The following XRCC5 variants were observed in gnomAD, a reference collection of about 807,000 sequenced individuals.
The protein encoded by XRCC5 is DNA repair protein Ku80.
In XRCC5, 12 loss-of-function variants were observed where a neutral mutation model predicts 95.7. The ratio of observed to expected loss-of-function variants is 0.13; its 90% confidence interval spans 0.08 to 0.20. XRCC5 has a LOEUF of 0.20. XRCC5 is among the 10% of genes least tolerant of loss of function. The pLI, the probability that XRCC5 is intolerant of heterozygous loss-of-function variation, is 1.00. For synonymous variants in XRCC5, 281 were observed against 290.3 expected, an observed-to-expected ratio of 0.97 and a Z score of 0.33; for missense variants, 595 against 873.9, an observed-to-expected ratio of 0.68 and a Z score of 4.02.
intron 19 of XRCC5, chr2:216,204,058 G>C: frequency 2.2e-6 from 1 of 461,800 alleles, no homozygotes; most frequent in Non-Finnish European, 4.0e-6. Context: ...ACACTGTCTC[G>C]ACAAGCCATG....
intron 16 of XRCC5, among the ~76,000 whole-genome samples, chr2:216,187,854 CT>C (rs1689533540): frequency 6.5e-5 from 9 of 137,556 alleles, no homozygotes; most frequent in African/African-American, 2.4e-4. Context: ...CTCTCTCTCT[CT>C]CTCTCTCCCC....
intron 10 of XRCC5, among the ~76,000 whole-genome samples, chr2:216,135,223 G>T (rs1057073312): frequency 1.3e-5 from 2 of 152,194 alleles, no homozygotes; most frequent in Admixed American, 6.5e-5. Context: ...TCTGCAGAGA[G>T]AGAGAGAGAG....
At chr2:216,174,665 T>G (rs1444352935) in intron 16 of XRCC5, among the ~76,000 whole-genome samples, 1 of 152,192 alleles carries the variant, frequency 6.6e-6, no homozygotes, top group African/African-American at 2.4e-5. Flanking sequence ...CTATATTGCA[T>G]TCATTAATAG....
chr2:216,137,271 A>G lies in XRCC5; in HGVS notation c.1251+46A>G, dbSNP rs776539652. ...GTTATTTTTTTTCTTCAGTTCCTTTATTCTAAGCAGTGTTTCTCAGCTGTT... is the reference window on the plus strand; with the variant it reads ...GTTATTTTTTTTCTTCAGTTCCTTTGTTCTAAGCAGTGTTTCTCAGCTGTT... On this transcript the variant is annotated intron_variant, in intron 11 of 20. Transcript: ENST00000392132. The G allele has an allele frequency of 4.4e-6, 7 of 1,579,128 alleles. No individual in the cohort carries two copies. The East Asian group carries it at 1.6e-4, about 36-fold the overall frequency.
intron 7 of XRCC5, among the ~76,000 whole-genome samples, chr2:216,127,112 C>T (rs1049963920): frequency 1.1e-4 from 16 of 152,046 alleles, no homozygotes; most frequent in East Asian, 3.9e-4. Flanking sequence ...TGGTGATGTG[C>T]GTCTGTAGTC....
rs9750314 is a variant in XRCC5, at chr2:216,139,530, C to G, written c.1342+1351C>G. The stretch of plus-strand genomic sequence containing the variant: ...GATTCATTTACCTCCCCCTGGGTCT[C>G]TCCCACAACATGTGGGAATTCTGGG... On this transcript the variant is annotated intron_variant, in intron 12 of 20. Coordinates refer to ENST00000392132, the MANE Select transcript of XRCC5 (RefSeq NM_021141.4). Among the ~76,000 whole-genome samples the G allele has an allele frequency of 2.0e-3, 300 of 152,304 alleles. 2 individuals are homozygous for G. Among genetic ancestry groups the G allele is most frequent in the African/African-American group, 7.1e-3 (297 of 41,554 alleles).
chr2:216,174,378 T>TGAC (rs1689230744), intron 16 of XRCC5, among the ~76,000 whole-genome samples: 1 of 152,246 alleles, frequency 6.6e-6, no homozygotes, highest in African/African-American at 2.4e-5. Flanking sequence ...CATATGTTTC[T>TGAC]TTATAGTTAA....
At chr2:216,152,455 A>G (rs1439873724) in intron 14 of XRCC5, among the ~76,000 whole-genome samples, 2 of 151,910 alleles carry the variant, frequency 1.3e-5, no homozygotes, top group Non-Finnish European at 2.9e-5. Flanking sequence ...AAAAGAGAGA[A>G]AAAAATTTGG....
At chr2:216,165,586 T>A (rs1050676967) in intron 16 of XRCC5, among the ~76,000 whole-genome samples, 1 of 152,232 alleles carries the variant, frequency 6.6e-6, no homozygotes, top group African/African-American at 2.4e-5. Context: ...TAACGCCCTT[T>A]ATAAGCCAAG....
chr2:216,181,095 G>A (rs917522688), intron 16 of XRCC5, among the ~76,000 whole-genome samples: 1 of 152,040 alleles, frequency 6.6e-6, no homozygotes. Context: ...ATACAGGCAC[G>A]AACCACTGCG....
At chr2:216,116,615 G>A in intron 2 of XRCC5, 44 bp from the exon 3 acceptor site, 2 of 1,611,316 alleles carry the variant, frequency 1.2e-6, no homozygotes, top group South Asian at 1.1e-5. Flanking sequence ...ATTGCTTCCA[G>A]ATTGTTCTAA....
intron 16 of XRCC5, among the ~76,000 whole-genome samples, chr2:216,167,710 G>A (rs1397011698): frequency 2.6e-5 from 4 of 151,658 alleles, no homozygotes; most frequent in Non-Finnish European, 5.9e-5. Context: ...AAAATATGGC[G>A]TTTTTCTACA....
At chr2:216,135,090 A>AGG in intron 10 of XRCC5, among the ~76,000 whole-genome samples, 1 of 63,042 alleles carries the variant, frequency 1.6e-5, no homozygotes, top group Admixed American at 1.6e-4. Context: ...TTGGGGTCAT[A>AGG]GTTTTTTTGT....
At chr2:216,175,258 A>G (rs1689251254) in intron 16 of XRCC5, 2 of 417,552 alleles carry the variant, frequency 4.8e-6, no homozygotes, top group South Asian at 3.6e-5. Flanking sequence ...TACACCCTCC[A>G]TAACCACCTC....
intron 5 of XRCC5, 62 bp downstream of exon 5, chr2:216,119,227 C>T (rs976231361): frequency 6.3e-7 from 1 of 1,584,416 alleles, no homozygotes; most frequent in Admixed American, 1.7e-5. Flanking sequence ...AGTGAATGGG[C>T]CCTCTGTATA....
intron 16 of XRCC5, among the ~76,000 whole-genome samples, chr2:216,166,687 G>T (rs1457365276): frequency 1.3e-5 from 2 of 152,116 alleles, no homozygotes. Context: ...AACTTAGGAA[G>T]AATGCTAAAA....
At chr2:216,179,219 A>G (rs207941) in intron 16 of XRCC5, among the ~76,000 whole-genome samples, 145,074 of 152,306 alleles carry the variant, frequency 0.95, 69,196 homozygotes, top group East Asian at 0.99. Flanking sequence ...CCCTTGACTT[A>G]TAGATCCATT....
chr2:216,204,027 C>T (rs1445844841), intron 19 of XRCC5: 1 of 331,418 alleles, frequency 3.0e-6, no homozygotes, highest in Non-Finnish European at 5.8e-6. Context: ...AGATGTCCAC[C>T]ATGCTTATAC....
At chr2:216,152,190 A>C (rs1402025747) in intron 14 of XRCC5, among the ~76,000 whole-genome samples, 1 of 152,130 alleles carries the variant, frequency 6.6e-6, no homozygotes, top group African/African-American at 2.4e-5. Context: ...TAATCCCAGC[A>C]CTTTGGGAGG....
Sources: allele counts gnomAD v4.1 joint callset (sites outside exome capture counted in the v4.1 genomes callset), GRCh38; gene constraint gnomAD v4.1.1; transcripts MANE v1.5; gene names NCBI Gene and HGNC (gene_info 2026-07-23, HGNC 2026-07-21).